The following ANK3 variants were observed in gnomAD, a reference collection of about 807,000 sequenced individuals.
ANK3 encodes ankyrin-3.
A neutral mutation model predicts 370.9 loss-of-function variants in ANK3; 57 were observed. The ratio of observed to expected loss-of-function variants is 0.15; its 90% confidence interval spans 0.12 to 0.19. The LOEUF (loss-of-function observed/expected upper bound fraction) is 0.19. Among genes scored for constraint, ANK3 ranks in the 10% least tolerant of loss-of-function variants. The pLI is 1.00. For missense variants in ANK3, 4,439 were observed against 5,302.1 expected (o/e 0.84, Z 5.06); for synonymous variants, 1,929 against 1,946.3 (o/e 0.99, Z 0.23).
chr10:60,450,896 C>T (rs1428572721), intron 2 of ANK3, among the ~76,000 whole-genome samples: 1 of 145,414 alleles, frequency 6.9e-6, no homozygotes, highest in Non-Finnish European at 1.5e-5. Flanking sequence ...TAAATACTGG[C>T]CCTCCAAAAG....
intron 1 of ANK3, among the ~76,000 whole-genome samples, chr10:60,387,303 C>T (rs2062522107): frequency 6.6e-6 from 1 of 152,142 alleles, no homozygotes; most frequent in Admixed American, 6.5e-5. Flanking sequence ...AGGCCTTCAT[C>T]AGGATCTTAG....
chr10:60,098,149 A>C (rs542687472), intron 28 of ANK3, among the ~76,000 whole-genome samples: 3 of 150,556 alleles, frequency 2.0e-5, no homozygotes, highest in South Asian at 2.1e-4. Context: ...TGGATATGAC[A>C]AAAAAAAATG....
intron 2 of ANK3, among the ~76,000 whole-genome samples, chr10:60,417,808 T>C (rs942643010): frequency 2.0e-5 from 3 of 152,196 alleles, no homozygotes; most frequent in Non-Finnish European, 4.4e-5. Flanking sequence ...TGTCTTTTTC[T>C]TGAATACCCT....
At chr10:60,355,188 T>C (rs1252987170) in intron 1 of ANK3, among the ~76,000 whole-genome samples, 1 of 152,238 alleles carries the variant, frequency 6.6e-6, no homozygotes, top group Non-Finnish European at 1.5e-5. Context: ...GTATTGCTAA[T>C]TTTTTCTTTC....
intron 23 of ANK3, among the ~76,000 whole-genome samples, chr10:60,159,762 G>A (rs1345722088): frequency 6.6e-6 from 1 of 152,036 alleles, no homozygotes; most frequent in Non-Finnish European, 1.5e-5. Flanking sequence ...AATAGCAAGA[G>A]AAACCTTGGA....
rs567942983 is a variant in ANK3, at chr10:60,457,855, A to G, written c.96+157331T>C. On this transcript the variant is annotated intron_variant, in intron 2 of 43. Transcript: ENST00000373827. The stretch of plus-strand genomic sequence containing the variant: ...AGAAACCATTTAAGTCTGAGAGCGA[A>G]TCAGTGACATGCAGTGGGCGGTAGT... 5.3e-5 allele frequency among the ~76,000 whole-genome samples: 8 copies of G among 152,198 alleles called. No homozygotes were observed. In the South Asian group the frequency reaches 1.7e-3, roughly 32 times the overall value.
chr10:60,403,428 C>T (rs2063391831), intron 2 of ANK3, among the ~76,000 whole-genome samples: 1 of 152,130 alleles, frequency 6.6e-6, no homozygotes, highest in Non-Finnish European at 1.5e-5. Context: ...TCTCTCTCAT[C>T]AAGAGAAATG....
intron 23 of ANK3, among the ~76,000 whole-genome samples, chr10:60,157,040 T>TTTC (rs761316295): frequency 1.1e-4 from 2 of 18,836 alleles, no homozygotes; most frequent in Non-Finnish European, 2.1e-4. Flanking sequence ...TCAATGAATC[T>TTTC]TTTTTTTTTT....
intron 35 of ANK3, 36 bp downstream of exon 35, chr10:60,082,108 ATTCTAC>A (rs1458353228): frequency 6.5e-7 from 1 of 1,527,350 alleles, no homozygotes; most frequent in Non-Finnish European, 9.0e-7. Context: ...TTCAATTTCT[ATTCTAC>A]TTCTGATAGA....
intron 12 of ANK3, 93 bp downstream of exon 12, chr10:60,202,909 A>AAAAAAAT: frequency 1.2e-6 from 1 of 850,074 alleles, no homozygotes; most frequent in Non-Finnish European, 1.8e-6. Context: ...TCCAACTCTT[A>AAAAAAAT]AAAAAATAAA....
At chr10:60,647,351 C>A (rs922496110) in intron 1 of ANK3, among the ~76,000 whole-genome samples, 3 of 152,126 alleles carry the variant, frequency 2.0e-5, no homozygotes, top group Admixed American at 1.3e-4. Context: ...TGCCAAATTG[C>A]GGCTGCAATA....
Position 60,070,892 on chromosome 10 carries a change from T to C in ANK3, c.9989A>G (p.Lys3330Arg). ...DESIYQPVPV[K>R]KYTFKLKEVD... ...TTCCTTTAATTTGAAGGTATATTTT[T>C]TAACTGGGACTGGCTGATAAATAGA... Residue 3330 changes from lysine to arginine, a missense_variant, in exon 37 of 44, where the codon AAA becomes AGA. This residue lies in a region of ANK3 where 1,601 missense variants were observed against 1,731.7 expected (regional missense o/e 0.92). Coordinates refer to ENST00000280772, the MANE Select transcript of ANK3 (RefSeq NM_020987.5). This position sits in a 1 kb window ranked among gnomAD's most constrained non-coding sequence, Gnocchi z 5.7. The C allele has an allele frequency of 6.2e-7, 1 of 1,614,054 alleles. No individual in the cohort carries two copies. The highest frequency in any genetic ancestry group is 2.2e-5 in the East Asian group (1 of 44,882).
At chr10:60,079,174 TACACACACACACACACACACACAC>T (rs58239281) in intron 36 of ANK3, among the ~76,000 whole-genome samples, 7 of 113,844 alleles carry the variant, frequency 6.1e-5, no homozygotes, top group East Asian at 2.9e-4. Flanking sequence ...GCTACCTAGC[TACACACACACACACACACACACAC>T]ACACACACAC....
intron 2 of ANK3, among the ~76,000 whole-genome samples, chr10:60,598,122 A>G (rs1034890796): frequency 6.6e-6 from 1 of 152,226 alleles, no homozygotes; most frequent in African/African-American, 2.4e-5. Flanking sequence ...TCTTTAAAAA[A>G]GAACAACAAC....
At chr10:60,461,481 C>T (rs530390905) in intron 2 of ANK3, among the ~76,000 whole-genome samples, 1 of 152,240 alleles carries the variant, frequency 6.6e-6, no homozygotes, top group South Asian at 2.1e-4. Flanking sequence ...CAGATAGGTA[C>T]ATCAACAAGC....
intron 23 of ANK3, among the ~76,000 whole-genome samples, chr10:60,161,130 T>C (rs914862062): frequency 6.6e-6 from 1 of 152,150 alleles, no homozygotes; most frequent in African/African-American, 2.4e-5. Flanking sequence ...AAATCTTCTA[T>C]TTAGAAAAAC....
intron 28 of ANK3, among the ~76,000 whole-genome samples, chr10:60,098,541 G>T (rs1238609826): frequency 6.6e-6 from 1 of 152,114 alleles, no homozygotes; most frequent in Non-Finnish European, 1.5e-5. Flanking sequence ...TTAAAGTTCA[G>T]CTCCATCAAA....
At chr10:60,320,847 C>T (rs2048479679) in intron 1 of ANK3, among the ~76,000 whole-genome samples, 1 of 152,076 alleles carries the variant, frequency 6.6e-6, no homozygotes, top group South Asian at 2.1e-4. Flanking sequence ...TTCTCCACCA[C>T]CCCATTTGCA....
At chr10:60,400,941 T>C (rs1239891567) in intron 2 of ANK3, among the ~76,000 whole-genome samples, 4 of 152,258 alleles carry the variant, frequency 2.6e-5, no homozygotes, top group African/African-American at 9.6e-5. Flanking sequence ...TCTTCCTGCA[T>C]TGAGGGTGGC....
Sources: gnomAD v4.1 joint callset for allele counts (sites outside exome capture counted in the v4.1 genomes callset) on GRCh38, gnomAD v4.1.1 for gene constraint, gnomAD v4.1.1 regional missense constraint, Gnocchi (gnomAD v3.1) non-coding constraint, MANE v1.5 for transcripts, NCBI Gene and HGNC (gene_info 2026-07-23, HGNC 2026-07-21) for gene names.